Variants in MARF1 observed in about 807,000 individuals in gnomAD.
The protein encoded by MARF1 is meiosis regulator and mRNA stability factor 1.
Under a neutral mutation model 168.2 loss-of-function variants are expected in MARF1, and 24 were observed. That is an observed-to-expected ratio of 0.14 (90% confidence interval 0.10 to 0.20). The LOEUF (loss-of-function observed/expected upper bound fraction) is 0.20. Ranked by LOEUF, MARF1 falls within the 10% of genes least tolerant of loss-of-function variation. The pLI, the probability that MARF1 is intolerant of heterozygous loss-of-function variation, is 1.00. For synonymous variants in MARF1, 868 were observed against 822.4 expected (o/e 1.06, Z -0.95); for missense variants, 1,744 against 2,143.6 (o/e 0.81, Z 3.68).
intron 1 of MARF1, among the ~76,000 whole-genome samples, chr16:15,639,754 A>G (rs1302369385): frequency 6.6e-6 from 1 of 152,210 alleles, no homozygotes; most frequent in African/African-American, 2.4e-5. Context: ...AGAAAGAAAA[A>G]AACACAAAAT....
At position 15,594,934 on chromosome 16, in the gene MARF1, T is replaced by TA. The variant is rs1334918568; in HGVS notation, c.*1758dup. Reference sequence around the variant, plus strand: ...CCAGGTGACTTGTAATGATACCTCTTACGGTTTTAAAGTCCACCACTCTTT... The same window carrying TA: ...CCAGGTGACTTGTAATGATACCTCTTAACGGTTTTAAAGTCCACCACTCTTT... On this transcript the variant is annotated 3_prime_UTR_variant, in exon 27 of 27. Transcript: ENST00000396368. 1 of 152,622 alleles carries TA rather than the reference T, an allele frequency of 6.6e-6. No homozygotes were observed. The highest frequency in any genetic ancestry group is 6.5e-5 in the Admixed American group (1 of 15,282). 9.5% of individuals were successfully genotyped at this position (152,622 alleles called of 1,614,324 possible). A position where few individuals can be genotyped will look rare whatever the true frequency, so the allele number is the denominator to read the frequency against.
chr16:15,620,568 T>C (rs1567561744), intron 12 of MARF1, 37 bp from the exon 13 acceptor site: 1 of 1,303,524 alleles, frequency 7.7e-7, no homozygotes, highest in Non-Finnish European at 1.1e-6. Flanking sequence ...ACAGACCATT[T>C]CCTCCATATT....
Position 15,617,516 on chromosome 16 carries a change from C to T in MARF1, c.2740G>A (p.Val914Met). 4 of 1,611,522 alleles carry T rather than the reference C, an allele frequency of 2.5e-6. No individual in the cohort carries two copies. The highest frequency in any genetic ancestry group is 2.2e-5 in the East Asian group (1 of 44,852). ...TCTGTTAATTTATATAGATCTGACA[C>T]ATTCAACTTGTGTCCAAACCTAAAA... ...YEKKFGHKLN[V>M]SDLYKLTDTV... The change falls in exon 14 of 27, where the codon GTG (valine) becomes ATG (methionine). Residue 914 changes from valine to methionine, a missense_variant. This residue lies in a region of MARF1 where 543 missense variants were observed against 742.1 expected (regional missense o/e 0.73). Coordinates refer to ENST00000396368, the MANE Select transcript of MARF1 (RefSeq NM_014647.4).
Position 15,625,409 on chromosome 16 carries a change from C to G in MARF1, c.1916G>C (p.Gly639Ala). The change falls in exon 8 of 27, where the codon GGA (glycine) becomes GCA (alanine). Residue 639 changes from glycine to alanine, a missense_variant. This residue lies in a region of MARF1 where 270 missense variants were observed against 260.6 expected (regional missense o/e 1.04). Coordinates refer to ENST00000396368, the MANE Select transcript of MARF1 (RefSeq NM_014647.4). ...AACATTTGTATTTTTTGTAGCAGAT[C>G]CAGAATTTGCCTGTGACCCTTTTCC... ...TPGKGSQANS[G>A]SATKNTNVKS... 1 of 1,608,556 alleles carries G rather than the reference C, an allele frequency of 6.2e-7. No homozygotes were observed. Among genetic ancestry groups the G allele is most frequent in the Non-Finnish European group, 8.5e-7 (1 of 1,177,984 alleles).
chr16:15,613,861 G>T (rs1220000264), intron 16 of MARF1, among the ~76,000 whole-genome samples: 1 of 152,038 alleles, frequency 6.6e-6, no homozygotes, highest in Non-Finnish European at 1.5e-5. Flanking sequence ...GACTCAGAAA[G>T]AATTCCTTGG....
At position 15,612,619 on chromosome 16, in the gene MARF1, C is replaced by CTCGG. The variant is rs1455032252; in HGVS notation, c.3408_3411dup (p.Val1138ProfsTer12). ...AGCTTGGAGTATCCGTAGTCTGACA[C>CTCGG]TCGGCACTGCTTTGCAAAATGATGG... On this transcript the variant is annotated frameshift_variant, in exon 17 of 27. Transcript: ENST00000396368. LOFTEE classifies it high-confidence loss of function. The CTCGG allele has an allele frequency of 6.2e-7, 1 of 1,614,124 alleles. No homozygotes were observed.
rs377753902 is a variant in MARF1 at position 15,636,091 on chromosome 16, C to G, written c.396G>C (p.Pro132=). Residue 132 remains proline (P), a synonymous_variant, in exon 3 of 27, where the codon CCG becomes CCC. Coordinates refer to ENST00000396368, the MANE Select transcript of MARF1 (RefSeq NM_014647.4). ...GSGGTSSLIH[P]GALLDSQSTR... is the part of the protein sequence containing the mutation. ...TGCTTTGCGAGTCTAACAGTGCGCC[C>G]GGGTGAATCAAGCTACTGGTACCTC... The G allele has an allele frequency of 1.9e-6, 3 of 1,614,076 alleles. No individual in the cohort carries two copies. In the African/African-American group the frequency reaches 4.0e-5, roughly 22 times the overall value.
chr16:15,598,768 CCT>C, intron 26 of MARF1, 84 bp downstream of exon 26: 23 of 1,341,922 alleles, frequency 1.7e-5, no homozygotes, highest in Non-Finnish European at 2.3e-5. Flanking sequence ...TCCCTTCCCA[CCT>C]CCGTCATTTA....
In MARF1 at chr16:15,630,364, C is replaced by T. The variant is rs765688253; in HGVS notation, c.1492G>A (p.Asp498Asn). 68 of 1,603,682 alleles carry T rather than the reference C, an allele frequency of 4.2e-5. 1 individual carries two copies. Among genetic ancestry groups the T allele is most frequent in the Admixed American group, 6.8e-5 (4 of 58,848 alleles). Residue 498 changes from aspartate (D) to asparagine (N), a missense_variant, in exon 7 of 27, where the codon GAC (aspartate) becomes AAC (asparagine). Around this residue, in one of 7 missense-constraint regions of MARF1, gnomAD observed 217 missense variants for 372.4 expected, o/e 0.58. Coordinates refer to ENST00000396368, the MANE Select transcript of MARF1 (RefSeq NM_014647.4). ...ELIRFEEFIS[D>N]LPPRLPLKMP... ...TTTAGTGGTAACCTGGGGGGCAAGT[C>T]GGAAATGAACTCTTCAAATCTGATC...
chr16:15,614,352 A>C (rs950442261), intron 16 of MARF1, among the ~76,000 whole-genome samples: 1 of 147,850 alleles, frequency 6.8e-6, no homozygotes, highest in Non-Finnish European at 1.5e-5. Flanking sequence ...GCGTGGTGGC[A>C]GGCGTCTGTA....
intron 4 of MARF1, 48 bp from the exon 5 acceptor site, chr16:15,633,891 G>C: frequency 7.0e-7 from 1 of 1,432,544 alleles, no homozygotes; most frequent in South Asian, 1.2e-5. Flanking sequence ...AAAATAAATG[G>C]CAAGTTACAA....
At chr16:15,622,151 G>A (rs1424439773) in intron 11 of MARF1, among the ~76,000 whole-genome samples, 1 of 152,144 alleles carries the variant, frequency 6.6e-6, no homozygotes, top group East Asian at 1.9e-4. Context: ...TCCAAGGCAG[G>A]CTCAGAGGCC....
chr16:15,604,355 C>T lies in MARF1; in HGVS notation c.4226G>A (p.Arg1409Gln), dbSNP rs1303278737. 7 of 1,613,984 alleles carry T rather than the reference C, an allele frequency of 4.3e-6. No homozygotes were observed. Among genetic ancestry groups the T allele is most frequent in the African/African-American group, 2.7e-5 (2 of 74,910 alleles). The change falls in exon 22 of 27, where the codon CGA (arginine) becomes CAA (glutamine). Residue 1409 changes from arginine (R) to glutamine (Q), a missense_variant. Transcript: ENST00000396368. ...ESGRQIQLINRKSLRSLTAQL... is the reference protein window; with the variant it reads ...ESGRQIQLINQKSLRSLTAQL... ...GGCAGTGAGAGATCGCAGAGACTTT[C>T]GGTTGATCAGCTGAATCTGTCTGCC...
intron 3 of MARF1, chr16:15,635,220 G>T: frequency 2.3e-6 from 1 of 425,852 alleles, no homozygotes; most frequent in Non-Finnish European, 4.2e-6. Flanking sequence ...TTTACATAAA[G>T]GGTAGCAAAG....
rs1288087944 is a variant in MARF1, at chr16:15,595,164, T to TA, written c.*1528dup. 6.6e-6 allele frequency: 1 copy of TA among 152,584 alleles called. No homozygotes were observed. The highest frequency in any genetic ancestry group is 1.5e-5 in the Non-Finnish European group (1 of 68,024). The allele number at this position is 152,584 out of a possible 1,614,324, so 9.5% of individuals were successfully genotyped here. A position where few individuals can be genotyped will look rare whatever the true frequency, so the allele number is the denominator to read the frequency against. On this transcript the variant is annotated 3_prime_UTR_variant, in exon 27 of 27. Coordinates refer to ENST00000396368, the MANE Select transcript of MARF1 (RefSeq NM_014647.4). ...AGGATTCGGAGAGTGCCATAATACT[T>TA]ACAGGGTTTTTTCCATGGTGTTCTG...
intron 12 of MARF1, chr16:15,621,511 T>C: frequency 1.9e-6 from 1 of 529,558 alleles, no homozygotes; most frequent in Non-Finnish European, 3.3e-6. Context: ...ATTATTTTAC[T>C]CCCAAGTGCC....
chr16:15,597,329 G>A (rs28593034), intron 26 of MARF1, among the ~76,000 whole-genome samples: 29,530 of 152,206 alleles, frequency 0.19, 3,067 homozygotes, highest in Middle Eastern at 0.29. Flanking sequence ...GTGGTAGGGG[G>A]TGGGGTCGGA....
chr16:15,641,810 A>C (rs948341586), intron 1 of MARF1, among the ~76,000 whole-genome samples: 1 of 152,194 alleles, frequency 6.6e-6, no homozygotes, highest in African/African-American at 2.4e-5. Context: ...TGCTCAATAC[A>C]AGCGATTAAA....
chr16:15,599,975 T>C (rs2032239233), intron 25 of MARF1, among the ~76,000 whole-genome samples: 1 of 152,110 alleles, frequency 6.6e-6, no homozygotes, highest in South Asian at 2.1e-4. Flanking sequence ...GAATTCCTTA[T>C]TCCCAACCAC....
Sources: gnomAD v4.1 joint callset for allele counts (sites outside exome capture counted in the v4.1 genomes callset) on GRCh38, gnomAD v4.1.1 for gene constraint, gnomAD v4.1.1 regional missense constraint, MANE v1.5 for transcripts, NCBI Gene and HGNC (gene_info 2026-07-23, HGNC 2026-07-21) for gene names.